The following WFDC5 variants were observed in gnomAD, a reference collection of about 807,000 sequenced individuals.
WFDC5 encodes the protein WAP four-disulfide core domain 5, also known as WAP four-disulfide core domain protein 5.
A neutral mutation model predicts 15.7 loss-of-function variants in WFDC5; 15 were observed. That is an observed-to-expected ratio of 0.96 (90% CI 0.64 to 1.47). WFDC5 has a LOEUF of 1.47. Among genes scored for constraint, WFDC5 ranks in the 40% most tolerant of loss-of-function variants. The pLI is 0.00. For synonymous variants in WFDC5, 109 were observed against 107.7 expected, an observed-to-expected ratio of 1.01 and a Z score of -0.07; for missense variants, 280 against 258.0, an observed-to-expected ratio of 1.09 and a Z score of -0.59.
At chr20:45,116,095 T>C (rs571330205), upstream of WFDC5, among the ~76,000 whole-genome samples, 40 of 152,226 alleles carry the variant, frequency 2.6e-4, no homozygotes, top group African/African-American at 8.2e-4. Context: ...CTCATTCAGT[T>C]CCTGGGTTTT....
intron 1 of WFDC5, among the ~76,000 whole-genome samples, chr20:45,111,567 G>A (rs897647834): frequency 3.3e-5 from 5 of 152,172 alleles, no homozygotes; most frequent in South Asian, 2.1e-4. Flanking sequence ...GCACCGTTGC[G>A]TTCATCACTG....
At chr20:45,111,832 C>T (rs1981628889) in intron 1 of WFDC5, among the ~76,000 whole-genome samples, 1 of 152,196 alleles carries the variant, frequency 6.6e-6, no homozygotes, top group African/African-American at 2.4e-5. Flanking sequence ...GCCCGGCTCC[C>T]TCTGACCTCT....
chr20:45,114,458 C>T (rs1048343714), intron 1 of WFDC5, among the ~76,000 whole-genome samples: 1 of 152,124 alleles, frequency 6.6e-6, no homozygotes, highest in Non-Finnish European at 1.5e-5. Context: ...GCCACACCCT[C>T]TCCTCAATTC....
At chr20:45,114,742 G>A (rs996116096) in intron 1 of WFDC5, among the ~76,000 whole-genome samples, 33 of 151,620 alleles carry the variant, frequency 2.2e-4, no homozygotes, top group Admixed American at 2.2e-3. Flanking sequence ...GCACAGACAA[G>A]CACCGAGAAA....
At chr20:45,110,250 C>T in intron 3 of WFDC5, 150 bp downstream of exon 3, 1 of 1,373,798 alleles carries the variant, frequency 7.3e-7, no homozygotes, top group Non-Finnish European at 9.8e-7. Context: ...CCTAGCAGGA[C>T]TCCTCCAACC....
intron 1 of WFDC5, 30 bp downstream of exon 1, chr20:45,114,969 C>T (rs372440031): frequency 2.5e-6 from 4 of 1,604,582 alleles, no homozygotes; most frequent in Admixed American, 1.7e-5. Flanking sequence ...ACAATCTGGT[C>T]CCCCCAGCAG....
chr20:45,112,577 C>G (rs1440935863), intron 1 of WFDC5, among the ~76,000 whole-genome samples: 2 of 152,194 alleles, frequency 1.3e-5, no homozygotes, highest in Non-Finnish European at 2.9e-5. Context: ...GTCACACACA[C>G]AGATGGTCAT....
intron 3 of WFDC5, 71 bp from the exon 4 acceptor site, chr20:45,110,084 T>C (rs1981568926): frequency 6.4e-7 from 1 of 1,567,738 alleles, no homozygotes; most frequent in African/African-American, 1.4e-5. Context: ...TGGTCTCCCA[T>C]CCATGCCCCA....
At chr20:45,114,939 C>G in intron 1 of WFDC5, 60 bp downstream of exon 1, 1 of 1,579,232 alleles carries the variant, frequency 6.3e-7, no homozygotes, top group South Asian at 1.1e-5. Flanking sequence ...CAAACCCTTA[C>G]TCTCCCTAGA....
At chr20:45,115,104 G>T in exon 1 of WFDC5, 1 of 1,608,318 alleles carries the variant, frequency 6.2e-7, no homozygotes, top group Non-Finnish European at 8.5e-7. Flanking sequence ...CCGGCTCAGG[G>T]CCCAGGGCCC....
chr20:45,110,267 C>A, intron 3 of WFDC5, 133 bp downstream of exon 3: 2 of 1,447,960 alleles, frequency 1.4e-6, no homozygotes, highest in South Asian at 2.7e-5. Flanking sequence ...AACCCCTATC[C>A]AGTTTCCTAA....
chr20:45,110,883 G>C, intron 1 of WFDC5, 108 bp from the exon 2 acceptor site: 2 of 1,446,340 alleles, frequency 1.4e-6, no homozygotes, highest in Non-Finnish European at 1.9e-6. Flanking sequence ...CTTTTTGCCT[G>C]TCTTTTGGCT....
intron 1 of WFDC5, among the ~76,000 whole-genome samples, chr20:45,114,169 G>C (rs962880996): frequency 3.3e-5 from 5 of 152,208 alleles, no homozygotes; most frequent in Non-Finnish European, 7.3e-5. Context: ...GCTCACCAGT[G>C]TACTTCCTTC....
upstream of WFDC5, among the ~76,000 whole-genome samples, chr20:45,115,571 A>G (rs904766810): frequency 6.6e-6 from 1 of 152,154 alleles, no homozygotes; most frequent in African/African-American, 2.4e-5. Flanking sequence ...CTTGCAGCCA[A>G]AGAAGGCTGG....
At chr20:45,113,443 T>C (rs1206159221) in intron 1 of WFDC5, among the ~76,000 whole-genome samples, 2 of 152,240 alleles carry the variant, frequency 1.3e-5, no homozygotes, top group African/African-American at 4.8e-5. Flanking sequence ...GCTCGGTTTC[T>C]GCTGTGCCAG....
intron 1 of WFDC5, among the ~76,000 whole-genome samples, chr20:45,113,140 G>C (rs1981666755): frequency 6.6e-6 from 1 of 152,192 alleles, no homozygotes; most frequent in African/African-American, 2.4e-5. Flanking sequence ...CATTTAATTA[G>C]GCACTTGCTG....
rs533983315 is a variant in WFDC5 at position 45,109,778 on chromosome 20, G to A, written c.629C>T (p.Thr210Ile). The A allele has an allele frequency of 5.1e-4, 371 of 723,146 alleles. 9 individuals carry two copies. In the South Asian group the frequency reaches 5.4e-3, roughly 11 times the overall value. 44.8% of individuals were successfully genotyped at this position (723,146 alleles called of 1,614,324 possible). ...TATGGCAGTGGTGCAGAGTACTGGG[G>A]TGATACAGAGGCCTTCCTCCGAGCT... is the stretch of plus-strand genomic sequence containing the variant. Residue 210 changes from threonine to isoleucine, a missense_variant, in exon 4 of 4, where the codon ACC becomes ATC. Physicochemically the swap from Thr to Ile is moderately conservative, Grantham distance 89 (BLOSUM62 -1). Transcript: ENST00000307971.
intron 1 of WFDC5, 24 bp downstream of exon 1, chr20:45,114,975 A>G (rs773102063): frequency 1.7e-5 from 28 of 1,611,176 alleles, no homozygotes; most frequent in Non-Finnish European, 1.6e-5. Context: ...TGGTCCCCCC[A>G]GCAGAGGGAT....
intron 1 of WFDC5, among the ~76,000 whole-genome samples, chr20:45,113,098 A>T (rs545613845): frequency 6.6e-6 from 1 of 152,206 alleles, no homozygotes; most frequent in Non-Finnish European, 1.5e-5. Context: ...ACAGACACAT[A>T]TATCTTCCCA....
Sources: gnomAD v4.1 joint callset for allele counts (sites outside exome capture counted in the v4.1 genomes callset) on GRCh38, gnomAD v4.1.1 for gene constraint, MANE v1.5 for transcripts, NCBI Gene and HGNC (gene_info 2026-07-23, HGNC 2026-07-21) for gene names.